Variants in POTEG observed in about 807,000 individuals in gnomAD.
POTEG encodes POTE ankyrin domain family member G.
POTEG carries 2 observed loss-of-function variants against 49.6 expected under a neutral mutation model. The ratio of observed to expected loss-of-function variants is 0.04; its 90% CI spans 0.02 to 0.13. The LOEUF (loss-of-function observed/expected upper bound fraction) is 0.13. POTEG is among the 10% of genes least tolerant of loss of function. The pLI is 1.00. For synonymous variants in POTEG, 7 were observed against 186.6 expected, an observed-to-expected ratio of 0.04 and a Z score of 7.84; for missense variants, 26 against 545.2, an observed-to-expected ratio of 0.05 and a Z score of 9.48.
intron 1 of POTEG, among the ~76,000 whole-genome samples, chr14:19,431,386 TA>T (rs1884133456): frequency 6.7e-6 from 1 of 149,652 alleles, no homozygotes; most frequent in Non-Finnish European, 1.5e-5. Context: ...ACTGCTATTT[TA>T]AGCAATACTA....
chr14:19,416,059 T>C (rs1883553215), intron 7 of POTEG, among the ~76,000 whole-genome samples: 1 of 147,224 alleles, frequency 6.8e-6, no homozygotes, highest in Admixed American at 6.7e-5. Context: ...TTAGCCAGGA[T>C]GGTCTCGATC....
At chr14:19,432,792 A>G (rs1884214841) in intron 1 of POTEG, among the ~76,000 whole-genome samples, 1 of 98,420 alleles carries the variant, frequency 1.0e-5, no homozygotes, top group African/African-American at 4.1e-5. Flanking sequence ...GACATCTGGA[A>G]AAGCAAGCCT....
At chr14:19,433,159 C>T (rs1884231986) in intron 1 of POTEG, among the ~76,000 whole-genome samples, 1 of 148,692 alleles carries the variant, frequency 6.7e-6, no homozygotes, top group Admixed American at 7.0e-5. Flanking sequence ...GATCTCCTGA[C>T]CCCATGATCT....
At chr14:19,414,814 T>C (rs1189369037) in intron 7 of POTEG, among the ~76,000 whole-genome samples, 1 of 138,964 alleles carries the variant, frequency 7.2e-6, no homozygotes. Context: ...TACTGCCACA[T>C]CACTGGCTTC....
chr14:19,427,014 T>C (rs1883983246), intron 3 of POTEG: 1 of 338,408 alleles, frequency 3.0e-6, no homozygotes, highest in Admixed American at 4.2e-5. Context: ...AAAGTCAGAT[T>C]AATGTTATTG....
chr14:19,432,449 T>TATATATAC (rs1884196889), intron 1 of POTEG, among the ~76,000 whole-genome samples: 2 of 46,166 alleles, frequency 4.3e-5, no homozygotes, highest in African/African-American at 1.1e-4. Flanking sequence ...TATATATACA[T>TATATATAC]ATATATATAC....
At chr14:19,425,560 G>A in intron 4 of POTEG, 46 bp downstream of exon 4, 1 of 692,796 alleles carries the variant, frequency 1.4e-6, no homozygotes. Context: ...TGACTTGAGT[G>A]ACTGCTATCC....
intron 6 of POTEG, among the ~76,000 whole-genome samples, chr14:19,419,984 C>T (rs1883690664): frequency 7.0e-6 from 1 of 142,912 alleles, no homozygotes; most frequent in Non-Finnish European, 1.5e-5. Context: ...GTATTCACCT[C>T]ATTCCCAACC....
At chr14:19,426,240 T>C (rs1224868596) in intron 3 of POTEG, among the ~76,000 whole-genome samples, 1 of 151,730 alleles carries the variant, frequency 6.6e-6, no homozygotes, top group Admixed American at 6.6e-5. Flanking sequence ...TTAAAATCTA[T>C]TTATATTTAA....
At chr14:19,420,673 T>G (rs1883724276) in intron 6 of POTEG, among the ~76,000 whole-genome samples, 1 of 148,412 alleles carries the variant, frequency 6.7e-6, no homozygotes, top group Admixed American at 6.9e-5. Flanking sequence ...CCTCATACAG[T>G]TTGGACTATA....
chr14:19,416,008 C>CT (rs1883550383), intron 7 of POTEG, among the ~76,000 whole-genome samples: 1 of 148,058 alleles, frequency 6.8e-6, no homozygotes, highest in Non-Finnish European at 1.5e-5. Flanking sequence ...CCACACCCGG[C>CT]TAAGATTTTG....
intron 1 of POTEG, among the ~76,000 whole-genome samples, chr14:19,432,411 CATGTATATATATGTATAT>C (rs2139183373): frequency 1.5e-5 from 1 of 64,930 alleles, no homozygotes; most frequent in East Asian, 3.3e-4. Context: ...TATACACACA[CATGTATATATATGTATAT>C]ACGTATATAT....
At chr14:19,432,281 G>C (rs1225282420) in intron 1 of POTEG, among the ~76,000 whole-genome samples, 1 of 86,810 alleles carries the variant, frequency 1.2e-5, no homozygotes, top group Non-Finnish European at 2.3e-5. Flanking sequence ...CTATGAGGCA[G>C]AGGTTGCAGT....
intron 1 of POTEG, among the ~76,000 whole-genome samples, chr14:19,433,190 G>C (rs1884233504): frequency 6.8e-6 from 1 of 146,856 alleles, no homozygotes; most frequent in Non-Finnish European, 1.5e-5. Context: ...GCCTCCCAAA[G>C]TGCTGGGATT....
intron 7 of POTEG, among the ~76,000 whole-genome samples, chr14:19,415,846 T>A (rs1594273846): frequency 7.1e-6 from 1 of 139,914 alleles, no homozygotes. Context: ...TTTTTTTTTT[T>A]TTTTTTTTTT....
chr14:19,415,980 G>T (rs1461809069), intron 7 of POTEG, among the ~76,000 whole-genome samples: 1 of 149,622 alleles, frequency 6.7e-6, no homozygotes, highest in Admixed American at 6.6e-5. Flanking sequence ...GAGTAGCTGA[G>T]ACTACAGGTG....
chr14:19,426,905 C>T (rs1464556085), intron 3 of POTEG: 1 of 409,230 alleles, frequency 2.4e-6, no homozygotes, highest in African/African-American at 2.2e-5. Context: ...GTTGGAGGAC[C>T]ATCTGAGCTT....
chr14:19,432,366 G>GTATGTATATATA (rs1884168395), intron 1 of POTEG, among the ~76,000 whole-genome samples: 1 of 37,898 alleles, frequency 2.6e-5, no homozygotes, highest in Non-Finnish European at 4.6e-5. Flanking sequence ...AAGAAATTTT[G>GTATGTATATATA]TATATATATA....
intron 7 of POTEG, among the ~76,000 whole-genome samples, chr14:19,415,829 A>ATTTTTT (rs58833974): frequency 5.9e-4 from 57 of 96,730 alleles, no homozygotes; most frequent in African/African-American, 1.8e-3. Context: ...ATCTATTAAA[A>ATTTTTT]TTTTTTTTTT....
Sources: gnomAD v4.1 joint callset for allele counts (sites outside exome capture counted in the v4.1 genomes callset) on GRCh38, gnomAD v4.1.1 for gene constraint, MANE v1.5 for transcripts, NCBI Gene and HGNC (gene_info 2026-07-23, HGNC 2026-07-21) for gene names.